OR6B3: variants seen among roughly 807,000 people sequenced by gnomAD.
The protein encoded by OR6B3 is olfactory receptor family 6 subfamily B member 3.
For synonymous variants in OR6B3, 148 were observed against 187.8 expected (o/e 0.79, Z 1.73); for missense variants, 315 against 427.4 (o/e 0.74, Z 2.32).
At chr2:240,046,318 T>A (rs936643341) in intron 1 of OR6B3, among the ~76,000 whole-genome samples, 90 of 152,152 alleles carry the variant, frequency 5.9e-4, no homozygotes, top group Admixed American at 6.5e-4. Flanking sequence ...GGGTCTGGAA[T>A]GCCCTCCTGA....
upstream of OR6B3, among the ~76,000 whole-genome samples, chr2:240,051,010 C>T (rs1559438229): frequency 6.6e-6 from 1 of 152,120 alleles, no homozygotes; most frequent in Admixed American, 6.5e-5. Flanking sequence ...ACACATTTCC[C>T]TAAAAACAAT....
chr2:240,050,181 G>A (rs1464949256), upstream of OR6B3, among the ~76,000 whole-genome samples: 1 of 152,066 alleles, frequency 6.6e-6, no homozygotes, highest in Non-Finnish European at 1.5e-5. Flanking sequence ...TATTGTATTA[G>A]GTTGGTGCAA....
chr2:240,048,303 C>T (rs1698218403), upstream of OR6B3, among the ~76,000 whole-genome samples: 1 of 152,164 alleles, frequency 6.6e-6, no homozygotes, highest in African/African-American at 2.4e-5. Context: ...TTGCTCACAT[C>T]CTTTCTTGCA....
At chr2:240,053,440 C>A in the OR6B3 span, among the ~76,000 whole-genome samples, 1 of 152,208 alleles carries the variant, frequency 6.6e-6, no homozygotes, top group Non-Finnish European at 1.5e-5. This position sits in a 1 kb window ranked among gnomAD's most constrained non-coding sequence, Gnocchi z 4.1. Flanking sequence ...GAGCACCTGC[C>A]CCGTCTGCCC....
At chr2:240,050,646 G>A (rs1299710553), upstream of OR6B3, among the ~76,000 whole-genome samples, 1 of 151,526 alleles carries the variant, frequency 6.6e-6, no homozygotes, top group Non-Finnish European at 1.5e-5. Flanking sequence ...CCCGGGAGAC[G>A]GAGGTTGCAG....
chr2:240,044,943 T>C (rs1322962847), downstream of OR6B3: 5 of 740,572 alleles, frequency 6.8e-6, no homozygotes, highest in Non-Finnish European at 1.1e-5. Flanking sequence ...AAAGTACTGG[T>C]ATTACAACAC....
chr2:240,045,491 A>C (rs1331057464), exon 2 of OR6B3: 1 of 1,613,986 alleles, frequency 6.2e-7, no homozygotes, highest in African/African-American at 1.3e-5. Context: ...CCAGCTCTGC[A>C]GTGGAGAAGT....
upstream of OR6B3, among the ~76,000 whole-genome samples, chr2:240,048,985 G>T (rs1698225807): frequency 6.6e-6 from 1 of 152,174 alleles, no homozygotes; most frequent in East Asian, 1.9e-4. Flanking sequence ...AGAGCTCTGT[G>T]GCCCAGGGGA....
the OR6B3 span, among the ~76,000 whole-genome samples, chr2:240,052,897 C>T: frequency 2.0e-5 from 3 of 152,112 alleles, no homozygotes; most frequent in South Asian, 4.1e-4. This position sits in a 1 kb window ranked among gnomAD's most constrained non-coding sequence, Gnocchi z 4.5. Flanking sequence ...CCGCAACCTC[C>T]GCCTGCTGGG....
chr2:240,045,641 C>G, exon 2 of OR6B3: 1 of 1,358,840 alleles, frequency 7.4e-7, no homozygotes, highest in Non-Finnish European at 1.0e-6. Context: ...AGAAGCCCAC[C>G]AGCTGGAGGC....
chr2:240,049,980 TA>T (rs1372500418), upstream of OR6B3, among the ~76,000 whole-genome samples: 3 of 152,084 alleles, frequency 2.0e-5, no homozygotes, highest in Non-Finnish European at 2.9e-5. Flanking sequence ...TCATGGTTTT[TA>T]AAAGGATATA....
At chr2:240,047,245 C>G (rs867957882), upstream of OR6B3, among the ~76,000 whole-genome samples, 1 of 152,088 alleles carries the variant, frequency 6.6e-6, no homozygotes, top group African/African-American at 2.4e-5. Context: ...GAACCTAAAG[C>G]AAATATTTAA....
chr2:240,047,022 G>A (rs942536189), exon 1 of OR6B3: 7 of 152,228 alleles, frequency 4.6e-5, no homozygotes, highest in African/African-American at 1.7e-4. Context: ...TTCCAATGCG[G>A]TTTCCACAAC....
upstream of OR6B3, among the ~76,000 whole-genome samples, chr2:240,047,195 A>G (rs1698203423): frequency 6.6e-6 from 1 of 152,256 alleles, no homozygotes; most frequent in South Asian, 2.1e-4. Context: ...AGACCCCTTC[A>G]GAAGGAAATA....
chr2:240,051,613 AT>A (rs377143690), upstream of OR6B3, among the ~76,000 whole-genome samples: 61 of 152,312 alleles, frequency 4.0e-4, no homozygotes, highest in African/African-American at 1.5e-3. Flanking sequence ...TGTATCGATT[AT>A]TTTTTTCTTT....
chr2:240,050,411 A>G (rs1033786477), upstream of OR6B3, among the ~76,000 whole-genome samples: 1 of 152,240 alleles, frequency 6.6e-6, no homozygotes, highest in Non-Finnish European at 1.5e-5. Flanking sequence ...ACCTGACTTT[A>G]GTATCAGAAG....
chr2:240,052,820 CT>C, the OR6B3 span, among the ~76,000 whole-genome samples: 6 of 151,548 alleles, frequency 4.0e-5, no homozygotes, highest in African/African-American at 1.2e-4. This position sits in a 1 kb window ranked among gnomAD's most constrained non-coding sequence, Gnocchi z 4.5. Context: ...TGTGACTTTT[CT>C]TTTTTTTTGA....
At chr2:240,052,936 C>T in the OR6B3 span, among the ~76,000 whole-genome samples, 1 of 152,150 alleles carries the variant, frequency 6.6e-6, no homozygotes, top group Non-Finnish European at 1.5e-5. This position sits in a 1 kb window ranked among gnomAD's most constrained non-coding sequence, Gnocchi z 4.5. Context: ...CTCAGCCTCC[C>T]GTGTAGCTGG....
chr2:240,045,660 G>A (rs773719095), exon 2 of OR6B3: 13 of 1,336,506 alleles, frequency 9.7e-6, no homozygotes, highest in African/African-American at 2.9e-5. Flanking sequence ...GCACAGCCCC[G>A]GGGTCACAAG....
Sources: gnomAD v4.1 joint callset for allele counts (sites outside exome capture counted in the v4.1 genomes callset) on GRCh38, gnomAD v4.1.1 for gene constraint, Gnocchi (gnomAD v3.1) non-coding constraint, MANE v1.5 for transcripts, NCBI Gene and HGNC (gene_info 2026-07-23, HGNC 2026-07-21) for gene names.